Variants in PARP2 observed in about 807,000 individuals in gnomAD.
PARP2 encodes the protein poly(ADP-ribose) polymerase 2, also known as poly [ADP-ribose] polymerase 2.
A neutral mutation model predicts 77.8 loss-of-function variants in PARP2; 57 were observed. The observed-to-expected ratio is 0.73, with a 90% CI of 0.59 to 0.91. PARP2 has a LOEUF of 0.91. Ranked by LOEUF, PARP2 falls within the 40% of genes least tolerant of loss-of-function variation. The pLI is 0.00. For missense variants in PARP2, 651 were observed against 689.0 expected (o/e 0.94, Z 0.62); for synonymous variants, 226 against 242.6 (o/e 0.93, Z 0.64).
chr14:20,354,383 A>T, intron 8 of PARP2, 136 bp downstream of exon 8: 1 of 733,986 alleles, frequency 1.4e-6, no homozygotes. Flanking sequence ...GACAGGTTGT[A>T]TGGAGGGAAG....
chr14:20,355,009 A>G, intron 9 of PARP2, 62 bp downstream of exon 9: 1 of 1,400,512 alleles, frequency 7.1e-7, no homozygotes, highest in South Asian at 1.3e-5. Context: ...TGTATCCATC[A>G]GCAGCAGCTA....
Position 20,357,733 on chromosome 14 carries a change from A to AC in PARP2, c.1653dup (p.Asn552GlnfsTer14). On this transcript the variant is annotated frameshift_variant, in exon 16 of 16. Transcript: ENST00000429687. LOFTEE classifies it high-confidence loss of function. ...AACTACAATGAATATATTGTATATA[A>AC]CCCCAACCAGGTCCGTATGCGGTAC... 1 of 1,613,848 alleles carries AC rather than the reference A, an allele frequency of 6.2e-7. No homozygotes were observed. Among genetic ancestry groups the AC allele is most frequent in the Non-Finnish European group, 8.5e-7 (1 of 1,179,862 alleles).
intron 4 of PARP2, among the ~76,000 whole-genome samples, chr14:20,347,356 G>GTGTGTGTATATA (rs1168423656): frequency 3.0e-4 from 9 of 29,554 alleles, no homozygotes; most frequent in Non-Finnish European, 4.9e-4. Context: ...ATGTGTGTGT[G>GTGTGTGTATATA]TATATATATA....
chr14:20,356,760 C>T, intron 13 of PARP2, 71 bp downstream of exon 13: 1 of 1,219,256 alleles, frequency 8.2e-7, no homozygotes, highest in Non-Finnish European at 1.2e-6. Context: ...GCTTTTTTTC[C>T]TAGATTAGGA....
In PARP2 at chr14:20,356,452, C is replaced by A. The variant is rs763371756; in HGVS notation, c.1229+18C>A. On this transcript the variant is annotated intron_variant, in intron 12 of 15. Coordinates refer to ENST00000429687, the MANE Select transcript of PARP2 (RefSeq NM_001042618.2). Reference sequence around the variant, plus strand: ...CATAACAGGTCTGAGTCTAGCTTTGCGTTTGGAAAGACACTCCTTGCCCGA... The same window carrying A: ...CATAACAGGTCTGAGTCTAGCTTTGAGTTTGGAAAGACACTCCTTGCCCGA... 1 of 1,613,876 alleles carries A rather than the reference C, an allele frequency of 6.2e-7. No homozygotes were observed. The highest frequency in any genetic ancestry group is 8.5e-7 in the Non-Finnish European group (1 of 1,179,906).
In PARP2 at chr14:20,354,913, A is replaced by G; in HGVS notation, c.868A>G (p.Asn290Asp). The G allele has an allele frequency of 3.1e-6, 5 of 1,613,990 alleles. No individual in the cohort carries two copies. The highest frequency in any genetic ancestry group is 3.4e-6 in the Non-Finnish European group (4 of 1,179,950). ...TGGACGAGCTCTCATGGAAGCATGC[A>G]ATGAATTCTACACCAGGATTCCGCA... is the stretch of plus-strand genomic sequence containing the variant. ...QHGRALMEAC[N>D]EFYTRIPHDF... The change falls in exon 9 of 16, where the codon AAT becomes GAT. Residue 290 changes from asparagine to aspartate, a missense_variant. Asn to Asp is a conservative substitution (Grantham distance 23). Coordinates refer to ENST00000429687, the MANE Select transcript of PARP2 (RefSeq NM_001042618.2).
Position 20,355,887 on chromosome 14 carries a change from ATCT to A in PARP2, c.967-6_967-4del. On this transcript the variant is annotated splice_polypyrimidine_tract_variant and splice_region_variant and intron_variant, in intron 10 of 15. Coordinates refer to ENST00000429687, the MANE Select transcript of PARP2 (RefSeq NM_001042618.2). Reference sequence around the variant, plus strand: ...TCCTCCCACATTGATTCTATATCTCATCTTCTCAGGCTTTGGGAGACATTGAAA... The same window carrying A: ...TCCTCCCACATTGATTCTATATCTCATCTCAGGCTTTGGGAGACATTGAAA... The A allele has an allele frequency of 6.2e-7, 1 of 1,613,644 alleles. No individual in the cohort carries two copies. The highest frequency in any genetic ancestry group is 1.1e-5 in the South Asian group (1 of 91,068).
chr14:20,347,376 A>T (rs1566418350), intron 4 of PARP2, among the ~76,000 whole-genome samples: 5 of 13,238 alleles, frequency 3.8e-4, no homozygotes, highest in South Asian at 4.9e-3. Context: ...ATATATATAT[A>T]TATATATATA....
intron 9 of PARP2, 92 bp from the exon 10 acceptor site, chr14:20,355,660 C>G (rs986556878): frequency 7.6e-6 from 7 of 924,590 alleles, no homozygotes; most frequent in Non-Finnish European, 1.2e-5. Flanking sequence ...TACCTGTTTT[C>G]TAAAGGACCT....
At chr14:20,356,507 G>A in intron 12 of PARP2, 73 bp downstream of exon 12, 3 of 1,606,916 alleles carry the variant, frequency 1.9e-6, no homozygotes, top group East Asian at 2.2e-5. Flanking sequence ...ATAAGAGGGA[G>A]TCAGAGGAAG....
In PARP2 at chr14:20,345,156, TTATTTCAACTCC is replaced by T; in HGVS notation, c.202+76_202+87del. 2.0e-6 allele frequency: 3 copies of T among 1,527,144 alleles called. No homozygotes were observed. In the South Asian group the frequency reaches 3.4e-5, roughly 17 times the overall value. The allele number at this position is 1,527,144 out of a possible 1,614,324, so 94.6% of individuals were successfully genotyped here. The stretch of plus-strand genomic sequence containing the variant: ...GAGTGGATCTGGGGATGATATCTTG[TTATTTCAACTCC>T]TATTTCGTCCTTCTTTCAGGGAATA... On this transcript the variant is annotated intron_variant, in intron 2 of 15. Coordinates refer to ENST00000429687, the MANE Select transcript of PARP2 (RefSeq NM_001042618.2).
chr14:20,350,242 A>G (rs940011564), intron 4 of PARP2, among the ~76,000 whole-genome samples: 2 of 152,230 alleles, frequency 1.3e-5, no homozygotes, highest in Non-Finnish European at 2.9e-5. Flanking sequence ...GAGCTGAGGC[A>G]GGAAAAAACT....
At position 20,356,624 on chromosome 14, in the gene PARP2, TG is replaced by T. The variant is rs777995042; in HGVS notation, c.1267del (p.Val423TrpfsTer4). On this transcript the variant is annotated frameshift_variant, in exon 13 of 16. Coordinates refer to ENST00000429687, the MANE Select transcript of PARP2 (RefSeq NM_001042618.2). LOFTEE classifies it high-confidence loss of function. ...LLWHGSRMSN[W>X]VGILSHGLRI... ...ATGGCATGGTTCCAGGATGAGTAAC[TG>T]GGTGGGAATCTTGAGCCATGGGCTT... 15 of 1,614,132 alleles carry T rather than the reference TG, an allele frequency of 9.3e-6. No individual in the cohort carries two copies. Among genetic ancestry groups the T allele is most frequent in the Non-Finnish European group, 7.6e-6 (9 of 1,179,946 alleles).
intron 9 of PARP2, 166 bp from the exon 10 acceptor site, chr14:20,355,586 A>G (rs959121316): frequency 5.8e-6 from 3 of 515,580 alleles, no homozygotes; most frequent in Non-Finnish European, 6.9e-6. Context: ...ATTATTTTAT[A>G]TATTTGGAAG....
chr14:20,355,908 C>T lies in PARP2; in HGVS notation c.978C>T (p.Asp326=). ...TCTCATCTTCTCAGGCTTTGGGAGA[C>T]ATTGAAATTGCTATTAAGCTGGTGA... is the stretch of plus-strand genomic sequence containing the variant. ...EKIQLLEALG[D]IEIAIKLVKT... is the part of the protein sequence containing the mutation. The change falls in exon 11 of 16, where the codon GAC becomes GAT. Residue 326 remains aspartate, a synonymous_variant. Transcript: ENST00000429687. 3 of 1,614,154 alleles carry T rather than the reference C, an allele frequency of 1.9e-6. No individual in the cohort carries two copies. The highest frequency in any genetic ancestry group is 2.5e-6 in the Non-Finnish European group (3 of 1,180,006).
intron 12 of PARP2, 72 bp from the exon 13 acceptor site, chr14:20,356,518 G>T: frequency 6.2e-7 from 1 of 1,604,738 alleles, no homozygotes; most frequent in East Asian, 2.2e-5. Context: ...TCAGAGGAAG[G>T]TGTTGGCTTT....
chr14:20,351,230 G>A (rs911736136), intron 6 of PARP2, 108 bp downstream of exon 6: 4 of 694,176 alleles, frequency 5.8e-6, no homozygotes, highest in Non-Finnish European at 9.8e-6. Context: ...CCAGGCTGGA[G>A]TGCAATGGCA....
At chr14:20,344,840 T>G in intron 1 of PARP2, 92 bp from the exon 2 acceptor site, 1 of 890,724 alleles carries the variant, frequency 1.1e-6, no homozygotes, top group Non-Finnish European at 1.8e-6. Context: ...AAAATTATCT[T>G]AAACCATTTC....
chr14:20,347,356 G>GTATATATATA (rs774986716), intron 4 of PARP2, among the ~76,000 whole-genome samples: 7 of 29,564 alleles, frequency 2.4e-4, no homozygotes, highest in Non-Finnish European at 3.3e-4. Flanking sequence ...ATGTGTGTGT[G>GTATATATATA]TATATATATA....
Sources: allele counts gnomAD v4.1 joint callset (sites outside exome capture counted in the v4.1 genomes callset), GRCh38; gene constraint gnomAD v4.1.1; transcripts MANE v1.5; gene names NCBI Gene and HGNC (gene_info 2026-07-23, HGNC 2026-07-21).